Variants in CSMD1 observed in about 807,000 individuals in gnomAD.
CSMD1 encodes the protein CUB and sushi domain-containing protein 1.
Under a neutral mutation model 417.5 loss-of-function variants are expected in CSMD1, and 213 were observed. That is an observed-to-expected ratio of 0.51 (90% CI 0.46 to 0.57). The LOEUF is 0.57. Ranked by LOEUF, CSMD1 falls within the 20% of genes least tolerant of loss-of-function variation. The pLI is 0.00. For synonymous variants in CSMD1, 2,862 were observed against 1,736.8 expected (o/e 1.65, Z -16.11); for missense variants, 6,923 against 4,529.7 (o/e 1.53, Z -15.17).
At chr8:3,995,835 A>G (rs1815171713) in intron 5 of CSMD1, among the ~76,000 whole-genome samples, 1 of 152,206 alleles carries the variant, frequency 6.6e-6, no homozygotes, top group Non-Finnish European at 1.5e-5. Context: ...AACAGGCAAC[A>G]GAGTTTATTA....
chr8:3,269,228 C>T (rs532590061), intron 26 of CSMD1, among the ~76,000 whole-genome samples: 10 of 152,342 alleles, frequency 6.6e-5, no homozygotes, highest in South Asian at 4.1e-4. Context: ...TGGGCCTATG[C>T]TGTTCACAAT....
chr8:3,559,948 G>C (rs989303033), intron 10 of CSMD1, among the ~76,000 whole-genome samples: 1 of 152,116 alleles, frequency 6.6e-6, no homozygotes, highest in South Asian at 2.1e-4. Context: ...AGGTGACAGA[G>C]GAGGAAAGCC....
chr8:3,237,426 C>T (rs1433629925), intron 26 of CSMD1, among the ~76,000 whole-genome samples: 3 of 151,278 alleles, frequency 2.0e-5, no homozygotes, highest in East Asian at 3.9e-4. Context: ...CATTGTACTC[C>T]AGCATGGGCA....
In CSMD1 at chr8:3,162,212, A is replaced by G. The variant is rs1055431943; in HGVS notation, c.5791T>C (p.Tyr1931His). Residue 1931 changes from tyrosine to histidine, a missense_variant, in exon 38 of 70, where the codon TAC becomes CAC. Tyr to His is a moderately conservative substitution (Grantham distance 83). Transcript: ENST00000635120. ...AAGGAGAGCACGTCGTTCACCATGT[A>G]CCGATCTCCGATTTTGATGCTGTTG... Reference protein sequence around the residue: ...PSNSIKIGDRYMVNDVLSFQC... With the variant: ...PSNSIKIGDRHMVNDVLSFQC... 1 of 1,611,632 alleles carries G rather than the reference A, an allele frequency of 6.2e-7. No individual in the cohort carries two copies. The highest frequency in any genetic ancestry group is 1.3e-5 in the African/African-American group (1 of 75,038).
intron 68 of CSMD1, among the ~76,000 whole-genome samples, chr8:2,945,810 T>C (rs1802193811): frequency 6.6e-6 from 1 of 152,166 alleles, no homozygotes; most frequent in Non-Finnish European, 1.5e-5. Context: ...CTGCCACTAC[T>C]ACAATGATAA....
intron 7 of CSMD1, among the ~76,000 whole-genome samples, chr8:3,629,125 C>A (rs1796644944): frequency 6.6e-6 from 1 of 152,040 alleles, no homozygotes; most frequent in Non-Finnish European, 1.5e-5. Context: ...ACACCTCAGG[C>A]ATGACGTGAG....
At chr8:4,683,605 A>G (rs1047794149) in intron 1 of CSMD1, among the ~76,000 whole-genome samples, 1 of 152,176 alleles carries the variant, frequency 6.6e-6, no homozygotes, top group African/African-American at 2.4e-5. Flanking sequence ...ACCTTTCATC[A>G]GACAGTTGAG....
chr8:4,363,042 G>C (rs74626406), intron 3 of CSMD1, among the ~76,000 whole-genome samples: 1 of 152,090 alleles, frequency 6.6e-6, no homozygotes, highest in Admixed American at 6.6e-5. Context: ...CTGCTACTAC[G>C]GAAGGGAGAA....
chr8:4,042,030 C>A (rs1041962597), intron 3 of CSMD1, among the ~76,000 whole-genome samples: 3 of 152,002 alleles, frequency 2.0e-5, no homozygotes, highest in Non-Finnish European at 2.9e-5. Context: ...AATCAATGAA[C>A]TTTGGGACAT....
chr8:3,877,687 G>T (rs1014525156), intron 5 of CSMD1, among the ~76,000 whole-genome samples: 1 of 129,800 alleles, frequency 7.7e-6, no homozygotes, highest in African/African-American at 3.5e-5. Context: ...CACATGGCTT[G>T]TACATTTTAT....
rs1563218185 is a variant in CSMD1 at position 3,926,092 on chromosome 8, C to CACACACACACAAACACCAT, written c.818+71810_818+71811insATGGTGTTTGTGTGTGTGT. ...CACACACAAACACCATACACACACACACACACACACACACACACACACACA... is the reference window on the plus strand; with the variant it reads ...CACACACAAACACCATACACACACACACACACACACAAACACCATACACACACACACACACACACACACA... On this transcript the variant is annotated intron_variant, in intron 5 of 69. Coordinates refer to ENST00000635120, the MANE Select transcript of CSMD1 (RefSeq NM_033225.6). Among the ~76,000 whole-genome samples, 52 of 49,508 alleles carry CACACACACACAAACACCAT rather than the reference C, an allele frequency of 1.1e-3. 1 individual carries two copies. Among genetic ancestry groups the CACACACACACAAACACCAT allele is most frequent in the Middle Eastern group, 0.027 (2 of 74 alleles). The allele number at this position is 49,508 out of a possible 152,430, so 32.5% of individuals were successfully genotyped here.
intron 5 of CSMD1, among the ~76,000 whole-genome samples, chr8:3,953,903 T>C (rs1487205336): frequency 6.6e-6 from 1 of 152,208 alleles, no homozygotes; most frequent in Admixed American, 6.5e-5. Flanking sequence ...GACTGTGCTC[T>C]GGGCCACTGT....
chr8:3,520,267 A>G (rs1424153222), intron 10 of CSMD1, among the ~76,000 whole-genome samples: 1 of 152,128 alleles, frequency 6.6e-6, no homozygotes, highest in African/African-American at 2.4e-5. Flanking sequence ...GCACCATACC[A>G]AACTTGAAGT....
At chr8:3,040,413 T>TATATATAA (rs1554496473) in intron 50 of CSMD1, among the ~76,000 whole-genome samples, 2 of 139,800 alleles carry the variant, frequency 1.4e-5, no homozygotes, top group Admixed American at 7.2e-5. Flanking sequence ...TATATATATA[T>TATATATAA]AACAGAAATA....
At position 4,852,349 on chromosome 8, in the gene CSMD1, G is replaced by T. The variant is rs76339009; in HGVS notation, c.85+141983C>A. Among the ~76,000 whole-genome samples the T allele has an allele frequency of 3.1e-4, 47 of 152,164 alleles. 1 individual carries two copies. The East Asian group carries it at 7.2e-3, about 23-fold the overall frequency. Reference sequence around the variant, plus strand: ...TCCTTGCAACAGTGAGAGAGTTCTTGCAACATCTGGTTGTTTAAAAGTATG... The same window carrying T: ...TCCTTGCAACAGTGAGAGAGTTCTTTCAACATCTGGTTGTTTAAAAGTATG... On this transcript the variant is annotated intron_variant, in intron 1 of 69. Transcript: ENST00000635120.
intron 2 of CSMD1, among the ~76,000 whole-genome samples, chr8:4,619,417 G>C (rs890536782): frequency 1.3e-5 from 2 of 152,118 alleles, no homozygotes; most frequent in Admixed American, 6.6e-5. Flanking sequence ...AATTAATTTA[G>C]TCCTTCAACT....
At chr8:2,979,622 C>A (rs573171195) in intron 54 of CSMD1, among the ~76,000 whole-genome samples, 4 of 152,210 alleles carry the variant, frequency 2.6e-5, no homozygotes, top group African/African-American at 9.6e-5. Context: ...TCTCGGGCGG[C>A]CTCTGCACAT....
intron 36 of CSMD1, among the ~76,000 whole-genome samples, chr8:3,181,544 A>G (rs1235357757): frequency 1.3e-5 from 2 of 152,152 alleles, no homozygotes; most frequent in African/African-American, 2.4e-5. Flanking sequence ...CTTGACATGA[A>G]CAGAGAGGAA....
chr8:3,066,072 T>G (rs929210542), intron 49 of CSMD1, among the ~76,000 whole-genome samples: 3 of 152,196 alleles, frequency 2.0e-5, no homozygotes, highest in African/African-American at 7.2e-5. Context: ...AGAAAAATTG[T>G]CTATTGGCAA....
Sources: gnomAD v4.1 joint callset for allele counts (sites outside exome capture counted in the v4.1 genomes callset) on GRCh38, gnomAD v4.1.1 for gene constraint, MANE v1.5 for transcripts, NCBI Gene and HGNC (gene_info 2026-07-23, HGNC 2026-07-21) for gene names.